KCNQ5: variants seen among roughly 807,000 people sequenced by gnomAD.
KCNQ5 encodes the protein potassium voltage-gated channel subfamily Q member 5.
KCNQ5 carries 30 observed loss-of-function variants against 98.2 expected under a neutral mutation model. The ratio of observed to expected loss-of-function variants is 0.31; its 90% CI spans 0.23 to 0.41. The LOEUF is 0.41. Ranked by LOEUF, KCNQ5 falls within the 10% of genes least tolerant of loss-of-function variation. The probability of loss-of-function intolerance (pLI) is 1.00; values close to 1 mark genes in which losing one functional copy is unlikely to be tolerated. For missense variants in KCNQ5, 835 were observed against 1,182.5 expected (o/e 0.71, Z 4.31); for synonymous variants, 458 against 449.4 (o/e 1.02, Z -0.24).
rs530117122 is a variant in KCNQ5 at position 73,189,251 on chromosome 6, A to C, written c.1578-1322A>C. Among the ~76,000 whole-genome samples, 103 of 152,334 alleles carry C rather than the reference A, an allele frequency of 6.8e-4. 1 individual carries two copies. Among genetic ancestry groups the C allele is most frequent in the African/African-American group, 2.2e-3 (93 of 41,574 alleles). On this transcript the variant is annotated intron_variant, in intron 11 of 13. Transcript: ENST00000370398. ...ACTTTCTGCTGAATAATTTTGCTTA[A>C]ATGGTTTTGGGGGGAAATACAAAAC...
At chr6:72,724,458 C>T (rs190603089) in intron 1 of KCNQ5, among the ~76,000 whole-genome samples, 3 of 152,222 alleles carry the variant, frequency 2.0e-5, no homozygotes, top group South Asian at 2.1e-4. Context: ...TCCCCTCTGA[C>T]CTGTGGAATA....
chr6:72,734,346 G>T (rs1770712195), intron 1 of KCNQ5, among the ~76,000 whole-genome samples: 1 of 151,942 alleles, frequency 6.6e-6, no homozygotes, highest in Non-Finnish European at 1.5e-5. Flanking sequence ...GTTTGAGACG[G>T]AGTCTTGCTC....
chr6:72,679,424 G>A (rs987810078), intron 1 of KCNQ5, among the ~76,000 whole-genome samples: 1 of 152,016 alleles, frequency 6.6e-6, no homozygotes, highest in Non-Finnish European at 1.5e-5. Flanking sequence ...TCCTTTGCAT[G>A]GACATGGATG....
In KCNQ5 at chr6:73,128,139, AT is replaced by A. The variant is rs546649613; in HGVS notation, c.1247+3628del. Among the ~76,000 whole-genome samples, 24 of 152,380 alleles carry A rather than the reference AT, an allele frequency of 1.6e-4. 1 individual carries two copies. Among genetic ancestry groups the A allele is most frequent in the African/African-American group, 5.3e-4 (22 of 41,594 alleles). On this transcript the variant is annotated intron_variant, in intron 9 of 13. Coordinates refer to ENST00000370398, the MANE Select transcript of KCNQ5 (RefSeq NM_019842.4). ...TTTTTAAATATAGCTCAACTGAGCA[AT>A]AGTGAAAATACTGTTTCATCAGTTC...
intron 1 of KCNQ5, among the ~76,000 whole-genome samples, chr6:72,890,874 G>T (rs1390078569): frequency 3.9e-5 from 6 of 152,118 alleles, no homozygotes; most frequent in Non-Finnish European, 5.9e-5. Flanking sequence ...CCTCCCAAGG[G>T]AGTTCCAGTA....
At chr6:73,087,301 C>A (rs577460333) in intron 5 of KCNQ5, among the ~76,000 whole-genome samples, 1 of 151,940 alleles carries the variant, frequency 6.6e-6, no homozygotes, top group African/African-American at 2.4e-5. Flanking sequence ...TGATAGATTC[C>A]GTGGGGGGAG....
At position 73,133,481 on chromosome 6, in the gene KCNQ5, G is replaced by A. The variant is rs571861580; in HGVS notation, c.1308G>A (p.Lys436=). ...CTAGCCCCAGGGGCCAGAGTATTAA[G>A]AGCCGACAAGCCTCAGTAGGTGACA... The part of the protein sequence containing the change: ...RMASPRGQSI[K]SRQASVGDRR... The change falls in exon 10 of 14, where the codon AAG becomes AAA. Residue 436 remains lysine, a synonymous_variant. Coordinates refer to ENST00000370398, the MANE Select transcript of KCNQ5 (RefSeq NM_019842.4). 5.6e-6 allele frequency: 9 copies of A among 1,614,162 alleles called. No homozygotes were observed. Among genetic ancestry groups the A allele is most frequent in the Admixed American group, 1.7e-5 (1 of 60,034 alleles).
chr6:72,626,504 T>C (rs938363266), intron 1 of KCNQ5, among the ~76,000 whole-genome samples: 5 of 152,206 alleles, frequency 3.3e-5, no homozygotes, highest in African/African-American at 9.6e-5. Flanking sequence ...ATGCTGACCA[T>C]AGAATCTTGT....
intron 1 of KCNQ5, among the ~76,000 whole-genome samples, chr6:72,838,948 T>TAAAAAA (rs1776653423): frequency 4.2e-5 from 1 of 23,656 alleles, no homozygotes; most frequent in African/African-American, 2.5e-4. Flanking sequence ...AGACTCCGTC[T>TAAAAAA]CAAAAAAAAA....
intron 1 of KCNQ5, among the ~76,000 whole-genome samples, chr6:72,696,375 T>A (rs1001794774): frequency 3.9e-5 from 6 of 152,122 alleles, no homozygotes; most frequent in Non-Finnish European, 5.9e-5. Context: ...TGTGAAAAAA[T>A]TTTTAATATT....
At chr6:73,136,014 C>A (rs568512804) in intron 10 of KCNQ5, 2 of 152,092 alleles carry the variant, frequency 1.3e-5, no homozygotes, top group South Asian at 4.2e-4. Context: ...CAGTCGCATT[C>A]GGAGGTACTA....
chr6:72,866,884 C>T (rs1297155744), intron 1 of KCNQ5, among the ~76,000 whole-genome samples: 2 of 152,224 alleles, frequency 1.3e-5, no homozygotes, highest in Admixed American at 6.5e-5. Context: ...TGGAAAACTA[C>T]ATGAACTTCT....
intron 10 of KCNQ5, among the ~76,000 whole-genome samples, chr6:73,143,745 A>G (rs541660019): frequency 4.6e-5 from 7 of 152,162 alleles, no homozygotes; most frequent in Non-Finnish European, 8.8e-5. Context: ...CAAAGAACTT[A>G]CTGTTTGTCT....
intron 5 of KCNQ5, among the ~76,000 whole-genome samples, chr6:73,085,661 T>C (rs984649856): frequency 6.6e-6 from 1 of 152,108 alleles, no homozygotes; most frequent in Non-Finnish European, 1.5e-5. Context: ...TTCACAACCT[T>C]CTATTCTCCC....
At chr6:72,793,199 A>G (rs538991635) in intron 1 of KCNQ5, among the ~76,000 whole-genome samples, 2 of 152,364 alleles carry the variant, frequency 1.3e-5, no homozygotes, top group Non-Finnish European at 2.9e-5. Flanking sequence ...AAATAAACAC[A>G]AAGTATTTTT....
At chr6:72,778,274 C>T (rs1773263835) in intron 1 of KCNQ5, among the ~76,000 whole-genome samples, 3 of 152,140 alleles carry the variant, frequency 2.0e-5, no homozygotes, top group Non-Finnish European at 2.9e-5. Flanking sequence ...CAGTGGCTCA[C>T]GCCTCTAATC....
intron 1 of KCNQ5, among the ~76,000 whole-genome samples, chr6:72,849,502 G>A (rs1006439672): frequency 5.9e-5 from 9 of 151,960 alleles, no homozygotes; most frequent in African/African-American, 1.5e-4. Context: ...TCCTCAAAAG[G>A]CACTGTTTTT....
chr6:73,077,553 G>A (rs965201910), intron 4 of KCNQ5, 56 bp downstream of exon 4: 17 of 1,509,344 alleles, frequency 1.1e-5, no homozygotes, highest in Middle Eastern at 1.8e-4. Flanking sequence ...TTCATTGATC[G>A]CTGTAATAGT....
At chr6:72,812,473 TA>T (rs942166368) in intron 1 of KCNQ5, among the ~76,000 whole-genome samples, 11 of 152,222 alleles carry the variant, frequency 7.2e-5, no homozygotes, top group Non-Finnish European at 1.6e-4. Context: ...TATACTCTGC[TA>T]AAAAGCATTT....
Sources: allele counts gnomAD v4.1 joint callset (sites outside exome capture counted in the v4.1 genomes callset), GRCh38; gene constraint gnomAD v4.1.1; transcripts MANE v1.5; gene names NCBI Gene and HGNC (gene_info 2026-07-23, HGNC 2026-07-21).